SLC25A48: variants seen among roughly 807,000 people sequenced by gnomAD.
SLC25A48 encodes CTC-321K16.1.
A neutral mutation model predicts 32.2 loss-of-function variants in SLC25A48; 29 were observed. That is an observed-to-expected ratio of 0.90 (90% CI 0.67 to 1.23). The LOEUF (loss-of-function observed/expected upper bound fraction) is 1.23, where lower values mean the gene tolerates loss of function less well. SLC25A48 is among the 50% of genes most tolerant of loss of function. The pLI is 0.00. For synonymous variants in SLC25A48, 164 were observed against 172.3 expected (o/e 0.95, Z 0.38); for missense variants, 399 against 422.7 (o/e 0.94, Z 0.49).
At chr5:135,863,899 A>G (rs1760996346) in intron 4 of SLC25A48, among the ~76,000 whole-genome samples, 1 of 152,194 alleles carries the variant, frequency 6.6e-6, no homozygotes, top group Non-Finnish European at 1.5e-5. Context: ...AAAGGCGTTC[A>G]TTTCCAAGTT....
intron 5 of SLC25A48, 91 bp downstream of exon 5, chr5:135,871,809 G>T: frequency 1.9e-6 from 3 of 1,577,748 alleles, no homozygotes; most frequent in Non-Finnish European, 1.7e-6. Flanking sequence ...AGCCCAGGGG[G>T]AGGGCAGGAC....
chr5:135,833,619 T>C (rs938739489), upstream of SLC25A48, among the ~76,000 whole-genome samples: 6 of 151,972 alleles, frequency 3.9e-5, no homozygotes. Flanking sequence ...ATGCTTCCAC[T>C]CCTCCCTGGA....
At chr5:135,871,054 TACACAGAC>T (rs1761595820) in intron 4 of SLC25A48, among the ~76,000 whole-genome samples, 1 of 127,034 alleles carries the variant, frequency 7.9e-6, no homozygotes, top group African/African-American at 3.1e-5. Context: ...AATAAATGTG[TACACAGAC>T]ACACACACAC....
At chr5:135,726,213 A>G (rs77272504) in intron 3 of SLC25A48, among the ~76,000 whole-genome samples, 1,742 of 152,362 alleles carry the variant, frequency 0.011, 29 homozygotes, top group African/African-American at 0.04. Context: ...TTCTGGGGAC[A>G]GTCTCATGCT....
At position 135,868,637 on chromosome 5, in the gene SLC25A48, T is replaced by C. The variant is rs1761394572; in HGVS notation, c.422-2824T>C. On this transcript the variant is annotated intron_variant, in intron 4 of 7. Transcript: ENST00000681962. Reference sequence around the variant, plus strand: ...TTTAGAAAATGAAGTTATGTATGAATGTGTAAAAATACATCTATGTGTATA... The same window carrying C: ...TTTAGAAAATGAAGTTATGTATGAACGTGTAAAAATACATCTATGTGTATA... Among the ~76,000 whole-genome samples, 6 of 150,518 alleles carry C rather than the reference T, an allele frequency of 4.0e-5. No homozygotes were observed. The Admixed American group carries it at 4.0e-4, about 10-fold the overall frequency.
chr5:135,794,816 T>C (rs1323511557), intron 3 of SLC25A48, among the ~76,000 whole-genome samples: 1 of 151,638 alleles, frequency 6.6e-6, no homozygotes, highest in Non-Finnish European at 1.5e-5. Context: ...CCCCACATAA[T>C]AATGTTCCTA....
intron 3 of SLC25A48, among the ~76,000 whole-genome samples, chr5:135,643,772 A>G (rs1478000724): frequency 6.6e-6 from 1 of 152,250 alleles, no homozygotes; most frequent in Non-Finnish European, 1.5e-5. Flanking sequence ...TTCTCAGAGC[A>G]GCAGCTACCA....
chr5:135,804,999 A>G (rs1316131442), intron 3 of SLC25A48, among the ~76,000 whole-genome samples: 1 of 151,496 alleles, frequency 6.6e-6, no homozygotes, highest in Non-Finnish European at 1.5e-5. Flanking sequence ...ATTACTCCTA[A>G]TATCACAGTT....
At chr5:135,830,685 G>T (rs889772585), upstream of SLC25A48, among the ~76,000 whole-genome samples, 5 of 152,220 alleles carry the variant, frequency 3.3e-5, no homozygotes, top group Non-Finnish European at 7.3e-5. Context: ...GAGTCAAGGA[G>T]GGAGCTCAGA....
Position 135,677,142 on chromosome 5 carries a change from C to A in SLC25A48, c.-521+42186C>A, listed in dbSNP as rs77481664. Among the ~76,000 whole-genome samples the A allele has an allele frequency of 8.1e-3, 1,238 of 151,950 alleles. 18 individuals carry two copies. Among genetic ancestry groups the A allele is most frequent in the African/African-American group, 0.029 (1,202 of 41,472 alleles). On this transcript the variant is annotated intron_variant, in intron 3 of 10. Coordinates refer to the SLC25A48 transcript ENST00000646290. ...TTTATGAATCTGAATGCTCTAGTGT[C>A]GGGTACATAAATATTTAGGATTGTC... is the stretch of plus-strand genomic sequence containing the variant.
chr5:135,771,818 G>C (rs77047330), intron 3 of SLC25A48, among the ~76,000 whole-genome samples: 2 of 150,966 alleles, frequency 1.3e-5, no homozygotes, highest in Middle Eastern at 3.2e-3. Context: ...TTAGGGGGGG[G>C]AGAACATAAT....
At chr5:135,734,127 G>C (rs934160245) in intron 3 of SLC25A48, among the ~76,000 whole-genome samples, 3 of 152,156 alleles carry the variant, frequency 2.0e-5, no homozygotes, top group Non-Finnish European at 2.9e-5. Flanking sequence ...CATTGAGCGG[G>C]GTAAGGGTGA....
intron 1 of SLC25A48, chr5:135,601,255 C>A (rs376051598): frequency 6.6e-6 from 1 of 152,224 alleles, no homozygotes; most frequent in South Asian, 2.1e-4. Context: ...TGATAATAAC[C>A]GCTGCCTGCC....
At chr5:135,603,531 C>T (rs1409983493) in intron 1 of SLC25A48, among the ~76,000 whole-genome samples, 1 of 152,226 alleles carries the variant, frequency 6.6e-6, no homozygotes, top group Admixed American at 6.5e-5. Flanking sequence ...CCTCTGGCCT[C>T]ATCCCTCTGA....
At chr5:135,601,821 T>C (rs1366699585) in intron 1 of SLC25A48, among the ~76,000 whole-genome samples, 1 of 152,266 alleles carries the variant, frequency 6.6e-6, no homozygotes, top group Admixed American at 6.5e-5. Flanking sequence ...CAAGCTTTGA[T>C]GTCCAAAGAC....
intron 1 of SLC25A48, among the ~76,000 whole-genome samples, chr5:135,594,051 C>T (rs1442863199): frequency 6.6e-6 from 1 of 152,168 alleles, no homozygotes; most frequent in Non-Finnish European, 1.5e-5. Context: ...AATGAACAGT[C>T]CCCCGAGGGA....
chr5:135,862,296 T>G (rs1760863936), intron 4 of SLC25A48, among the ~76,000 whole-genome samples: 1 of 152,262 alleles, frequency 6.6e-6, no homozygotes, highest in Non-Finnish European at 1.5e-5. Flanking sequence ...ATTGAAAGAC[T>G]AATTAATGTG....
intron 3 of SLC25A48, among the ~76,000 whole-genome samples, chr5:135,808,035 C>G (rs1757504036): frequency 6.7e-6 from 1 of 150,000 alleles, no homozygotes; most frequent in Admixed American, 6.7e-5. Context: ...CTACCTAAGA[C>G]AAATATAAAG....
intron 1 of SLC25A48, among the ~76,000 whole-genome samples, chr5:135,587,112 C>T (rs1751386373): frequency 1.3e-5 from 2 of 152,072 alleles, no homozygotes; most frequent in Non-Finnish European, 2.9e-5. Flanking sequence ...CTCATTGCAA[C>T]CTCTGCCTCC....
Sources: allele counts gnomAD v4.1 joint callset (sites outside exome capture counted in the v4.1 genomes callset), GRCh38; gene constraint gnomAD v4.1.1; transcripts MANE v1.5; gene names NCBI Gene and HGNC (gene_info 2026-07-23, HGNC 2026-07-21).